Variants in NUGGC observed in about 807,000 individuals in gnomAD.
NUGGC encodes nuclear GTPase, germinal center associated, also known as nuclear GTPase SLIP-GC.
Under a neutral mutation model 92.6 loss-of-function variants are expected in NUGGC, and 58 were observed. The ratio of observed to expected loss-of-function variants is 0.63; its 90% confidence interval spans 0.51 to 0.78. The LOEUF is 0.78. Ranked by LOEUF, NUGGC falls within the 30% of genes least tolerant of loss-of-function variation. The probability of loss-of-function intolerance (pLI) is 0.00; values close to 1 mark genes in which losing one functional copy is unlikely to be tolerated. For synonymous variants in NUGGC, 376 were observed against 366.4 expected, an observed-to-expected ratio of 1.03 and a Z score of -0.30; for missense variants, 925 against 964.6, an observed-to-expected ratio of 0.96 and a Z score of 0.54.
intron 5 of NUGGC, 28 bp downstream of exon 5, chr8:28,068,188 A>G (rs1810493733): frequency 7.4e-7 from 1 of 1,346,452 alleles, no homozygotes; most frequent in Non-Finnish European, 1.0e-6. Flanking sequence ...AAGGAAGGGA[A>G]GGAAGGAGGG....
intron 7 of NUGGC, among the ~76,000 whole-genome samples, chr8:28,064,107 G>A (rs1015004001): frequency 5.3e-5 from 8 of 152,122 alleles, no homozygotes; most frequent in African/African-American, 1.9e-4. Context: ...CACCACGCCA[G>A]CTTCCTCAGA....
intron 1 of NUGGC, among the ~76,000 whole-genome samples, chr8:28,078,296 A>G (rs879925100): frequency 3.5e-4 from 53 of 152,238 alleles, no homozygotes; most frequent in Non-Finnish European, 6.0e-4. Flanking sequence ...ACCAAACAAA[A>G]ACACTAGCAA....
chr8:28,045,152 G>A (rs1436970884), intron 12 of NUGGC, among the ~76,000 whole-genome samples: 1 of 152,056 alleles, frequency 6.6e-6, no homozygotes, highest in East Asian at 1.9e-4. Context: ...AATATTTTTG[G>A]ACTGTATACA....
chr8:28,060,507 T>C lies in NUGGC; in HGVS notation c.1016A>G (p.Lys339Arg), dbSNP rs1232557441. Reference sequence around the variant, plus strand: ...CCTACAGAAGCCCCGCTGGCAGGCTTTGATGCTCTCATTCAGAAGGTCTTC... The same window carrying C: ...CCTACAGAAGCCCCGCTGGCAGGCTCTGATGCTCTCATTCAGAAGGTCTTC... ...AHEDLLNESI[K>R]ACQRGFCRDV... The change falls in exon 8 of 19, where the codon AAA becomes AGA. Residue 339 changes from lysine (K) to arginine (R), a missense_variant. Transcript: ENST00000413272. 2 of 1,613,804 alleles carry C rather than the reference T, an allele frequency of 1.2e-6. No individual in the cohort carries two copies. The highest frequency in any genetic ancestry group is 2.7e-5 in the African/African-American group (2 of 74,912).
intron 13 of NUGGC, among the ~76,000 whole-genome samples, chr8:28,037,348 A>G (rs1237816906): frequency 6.6e-6 from 1 of 152,130 alleles, no homozygotes; most frequent in Non-Finnish European, 1.5e-5. Flanking sequence ...CTTGCACTGC[A>G]GTTAGATGGC....
intron 10 of NUGGC, among the ~76,000 whole-genome samples, chr8:28,052,949 A>G (rs1466834768): frequency 6.6e-6 from 1 of 152,218 alleles, no homozygotes; most frequent in East Asian, 1.9e-4. Flanking sequence ...TGGTGTAGAC[A>G]GTAATTCCAG....
At chr8:28,026,762 T>TCATCA (rs1563212386) in intron 18 of NUGGC, among the ~76,000 whole-genome samples, 200 bp downstream of exon 18, 1 of 150,760 alleles carries the variant, frequency 6.6e-6, no homozygotes, top group African/African-American at 2.4e-5. Context: ...GGCTGTTGTT[T>TCATCA]TCATCATCAT....
intron 7 of NUGGC, 79 bp from the exon 8 acceptor site, chr8:28,060,680 T>C: frequency 7.5e-7 from 1 of 1,333,016 alleles, no homozygotes; most frequent in Non-Finnish European, 1.0e-6. Flanking sequence ...AATGTATCCC[T>C]TAAGCCTCTC....
chr8:28,022,157 C>CTTTTTTTTTTTTTTTTTT lies in NUGGC; in HGVS notation c.*1142_*1159dup. 1.0e-5 allele frequency: 1 copy of CTTTTTTTTTTTTTTTTTT among 95,942 alleles called. No homozygotes were observed. Among genetic ancestry groups the CTTTTTTTTTTTTTTTTTT allele is most frequent in the African/African-American group, 3.9e-5 (1 of 25,634 alleles). 5.9% of individuals were successfully genotyped at this position (95,942 alleles called of 1,614,324 possible). A position where few individuals can be genotyped will look rare whatever the true frequency, so the allele number is the denominator to read the frequency against. On this transcript the variant is annotated 3_prime_UTR_variant, in exon 19 of 19. Coordinates refer to ENST00000413272, the MANE Select transcript of NUGGC (RefSeq NM_001010906.2). ...TATATATATATATTTTTTTCTTTTT[C>CTTTTTTTTTTTTTTTTTT]TTTTTTTTTTTTTTTTTTTGAGACA...
intron 1 of NUGGC, among the ~76,000 whole-genome samples, chr8:28,079,924 CTTTG>C (rs1056912244): frequency 1.7e-5 from 2 of 120,794 alleles, no homozygotes; most frequent in African/African-American, 5.9e-5. Context: ...TTTTGTTGTT[CTTTG>C]TTTTTTTGTT....
chr8:28,039,579 A>G (rs1158672197), intron 13 of NUGGC, among the ~76,000 whole-genome samples: 1 of 152,122 alleles, frequency 6.6e-6, no homozygotes, highest in Non-Finnish European at 1.5e-5. Context: ...ACAGATAACA[A>G]CACCCAGAAG....
At position 28,051,280 on chromosome 8, in the gene NUGGC, C is replaced by T. The variant is rs75357592; in HGVS notation, c.1207-3668G>A. On this transcript the variant is annotated intron_variant, in intron 10 of 18. Coordinates refer to ENST00000413272, the MANE Select transcript of NUGGC (RefSeq NM_001010906.2). Reference sequence around the variant, plus strand: ...TTTTTAAATGCTAAAGGGAGTAATGCTAAAGGGAGTCAGCTTAAAGGGTTC... The same window carrying T: ...TTTTTAAATGCTAAAGGGAGTAATGTTAAAGGGAGTCAGCTTAAAGGGTTC... Among the ~76,000 whole-genome samples the T allele has an allele frequency of 6.7e-3, 1,013 of 152,198 alleles. 13 individuals carry two copies. The highest frequency in any genetic ancestry group is 0.023 in the African/African-American group (943 of 41,522).
chr8:28,058,234 T>TAA, intron 9 of NUGGC, 24 bp downstream of exon 9: 1 of 438,894 alleles, frequency 2.3e-6, no homozygotes, highest in South Asian at 4.6e-5. Flanking sequence ...AAAATAAAAA[T>TAA]AAAAAAAACT....
chr8:28,080,384 C>T (rs780134189), intron 1 of NUGGC, among the ~76,000 whole-genome samples: 5 of 152,218 alleles, frequency 3.3e-5, no homozygotes, highest in Non-Finnish European at 5.9e-5. Context: ...TGACAAATGT[C>T]CTTTTCTTTT....
chr8:28,024,187 AATTC>A (rs1809192685), intron 18 of NUGGC, among the ~76,000 whole-genome samples: 2 of 145,636 alleles, frequency 1.4e-5, no homozygotes, highest in African/African-American at 2.6e-5. Context: ...CGCCTAGCTA[AATTC>A]TTTCTTTTTT....
intron 6 of NUGGC, among the ~76,000 whole-genome samples, chr8:28,065,435 C>A (rs1026656113): frequency 6.6e-6 from 1 of 152,180 alleles, no homozygotes; most frequent in Non-Finnish European, 1.5e-5. Flanking sequence ...GCTGGGATTA[C>A]AGGCGTGAGC....
At chr8:28,036,194 A>G (rs1201020044) in intron 13 of NUGGC, among the ~76,000 whole-genome samples, 2 of 152,180 alleles carry the variant, frequency 1.3e-5, no homozygotes, top group East Asian at 1.9e-4. Context: ...TTATTACTTC[A>G]GTTTTCTGGT....
chr8:28,030,736 C>G (rs1031629813), intron 15 of NUGGC, among the ~76,000 whole-genome samples: 8 of 152,308 alleles, frequency 5.3e-5, no homozygotes, highest in Middle Eastern at 6.8e-3. Flanking sequence ...AGCTCTTTCC[C>G]TAGCATTGCC....
intron 6 of NUGGC, among the ~76,000 whole-genome samples, chr8:28,066,083 T>A (rs1810435152): frequency 6.6e-6 from 1 of 152,196 alleles, no homozygotes; most frequent in Non-Finnish European, 1.5e-5. Flanking sequence ...CTTGTTTCCG[T>A]GCGTAAATTT....
Sources: gnomAD v4.1 joint callset for allele counts (sites outside exome capture counted in the v4.1 genomes callset) on GRCh38, gnomAD v4.1.1 for gene constraint, MANE v1.5 for transcripts, NCBI Gene and HGNC (gene_info 2026-07-23, HGNC 2026-07-21) for gene names.